The following YWHAQ variants were observed in gnomAD, a reference collection of about 807,000 sequenced individuals.
YWHAQ encodes tyrosine 3-monooxygenase/tryptophan 5-monooxygenase activation protein theta.
In YWHAQ, 6 loss-of-function variants were observed where a neutral mutation model predicts 28.3. That is an observed-to-expected ratio of 0.21 (90% confidence interval 0.12 to 0.42). The LOEUF (loss-of-function observed/expected upper bound fraction) is 0.42. YWHAQ is among the 10% of genes least tolerant of loss of function. The probability of loss-of-function intolerance (pLI) is 1.00; values close to 1 mark genes in which losing one functional copy is unlikely to be tolerated. For missense variants in YWHAQ, 201 were observed against 305.6 expected (o/e 0.66, Z 2.55); for synonymous variants, 143 against 119.1 (o/e 1.20, Z -1.31).
intron 2 of YWHAQ, among the ~76,000 whole-genome samples, chr2:9,594,420 A>T (rs1215000205): frequency 6.6e-6 from 1 of 152,170 alleles, no homozygotes; most frequent in Non-Finnish European, 1.5e-5. Flanking sequence ...GGAGGGTAGG[A>T]GGCAATAGTG....
intron 2 of YWHAQ, among the ~76,000 whole-genome samples, chr2:9,593,943 C>CACA (rs1420622388): frequency 6.9e-6 from 1 of 145,564 alleles, no homozygotes; most frequent in African/African-American, 2.6e-5. Context: ...CACACACACA[C>CACA]TTTTTTAAGG....
At chr2:9,611,433 T>A (rs1403443585) in intron 2 of YWHAQ, among the ~76,000 whole-genome samples, 1 of 152,224 alleles carries the variant, frequency 6.6e-6, no homozygotes, top group Non-Finnish European at 1.5e-5. Context: ...ACCAGTCGCA[T>A]GAGCTTGATC....
rs1290001896 is a variant in YWHAQ at position 9,630,555 on chromosome 2, G to C, written c.-82-21C>G. On this transcript the variant is annotated intron_variant, in intron 1 of 5. Coordinates refer to ENST00000238081, the MANE Select transcript of YWHAQ (RefSeq NM_006826.4). The surrounding 1 kb of genome is among the most constrained non-coding windows in gnomAD (Gnocchi z 5.6). Reference sequence around the variant, plus strand: ...GAGAGCTGCGGAGGGGCGGGGCGGCGAGGCGAGAACAAAAAGCAGAGAGGG... The same window carrying C: ...GAGAGCTGCGGAGGGGCGGGGCGGCCAGGCGAGAACAAAAAGCAGAGAGGG... 13 of 1,208,010 alleles carry C rather than the reference G, an allele frequency of 1.1e-5. No individual in the cohort carries two copies. The highest frequency in any genetic ancestry group is 1.2e-5 in the Non-Finnish European group (11 of 895,026). 74.8% of individuals were successfully genotyped at this position (1,208,010 alleles called of 1,614,324 possible).
intron 2 of YWHAQ, among the ~76,000 whole-genome samples, chr2:9,592,018 G>C (rs951264251): frequency 1.6e-4 from 24 of 152,166 alleles, no homozygotes; most frequent in Non-Finnish European, 2.1e-4. Flanking sequence ...CAGGGAAAGA[G>C]TATTTGAGGC....
chr2:9,623,394 A>G (rs1667182011), intron 2 of YWHAQ, among the ~76,000 whole-genome samples: 1 of 152,252 alleles, frequency 6.6e-6, no homozygotes, highest in African/African-American at 2.4e-5. Context: ...ACTTAAGTAA[A>G]TCCTAGCATA....
chr2:9,630,360 C>T lies in YWHAQ; in HGVS notation c.93G>A (p.Glu31=). 1 of 1,614,104 alleles carries T rather than the reference C, an allele frequency of 6.2e-7. No homozygotes were observed. Among genetic ancestry groups the T allele is most frequent in the Non-Finnish European group, 8.5e-7 (1 of 1,180,026 alleles). ...CCTCGTTGGACAGCTCGGCGCCCTG[C>T]TCGGTCACTGCCTTCATGCAGGTGG... is the stretch of plus-strand genomic sequence containing the variant. ...DMATCMKAVT[E]QGAELSNEER... The change falls in exon 2 of 6, where the codon GAG becomes GAA. Residue 31 remains glutamate (E), a synonymous_variant. Transcript: ENST00000238081. The surrounding 1 kb of genome is among the most constrained non-coding windows in gnomAD (Gnocchi z 5.6).
At chr2:9,609,315 T>C (rs1484011774) in intron 2 of YWHAQ, among the ~76,000 whole-genome samples, 5 of 151,902 alleles carry the variant, frequency 3.3e-5, no homozygotes, top group African/African-American at 7.3e-5. Context: ...TGAAAACAAC[T>C]TTAAAATTGG....
At chr2:9,624,566 A>G (rs938034974) in intron 2 of YWHAQ, among the ~76,000 whole-genome samples, 3 of 151,986 alleles carry the variant, frequency 2.0e-5, no homozygotes, top group African/African-American at 7.3e-5. Flanking sequence ...TGTGCACCGC[A>G]TGATGTTTAG....
rs1666308837 is a variant in YWHAQ, at chr2:9,584,708, T to C, written c.*578A>G. On this transcript the variant is annotated 3_prime_UTR_variant, in exon 6 of 6. Transcript: ENST00000238081. Reference sequence around the variant, plus strand: ...TAAGGAAACTCCCTGTTGCCACAGATACACAAGACCTCCGTATGTGATACA... The same window carrying C: ...TAAGGAAACTCCCTGTTGCCACAGACACACAAGACCTCCGTATGTGATACA... 1 of 152,614 alleles carries C rather than the reference T, an allele frequency of 6.6e-6. No homozygotes were observed. Among genetic ancestry groups the C allele is most frequent in the Non-Finnish European group, 1.5e-5 (1 of 68,078 alleles). 9.5% of individuals were successfully genotyped at this position (152,614 alleles called of 1,614,324 possible).
chr2:9,600,647 G>A (rs887720023), intron 2 of YWHAQ, among the ~76,000 whole-genome samples: 5 of 152,084 alleles, frequency 3.3e-5, no homozygotes, highest in African/African-American at 7.2e-5. Flanking sequence ...AGAGGTTGTG[G>A]TGAGCCGAGG....
In YWHAQ at chr2:9,629,653, G is replaced by T. The variant is rs371561544; in HGVS notation, c.294+506C>A. ...CTCCTCTCCTGTTTATGGGGGGTGG[G>T]GGGGAGCACAACAGATACTCTTACT... On this transcript the variant is annotated intron_variant, in intron 2 of 5. Coordinates refer to ENST00000238081, the MANE Select transcript of YWHAQ (RefSeq NM_006826.4). Among the ~76,000 whole-genome samples the T allele has an allele frequency of 8.4e-4, 128 of 152,258 alleles. 5 individuals carry two copies. In the South Asian group the frequency reaches 0.026, roughly 31 times the overall value.
intron 2 of YWHAQ, among the ~76,000 whole-genome samples, chr2:9,611,061 G>C (rs1389695619): frequency 1.3e-5 from 2 of 152,152 alleles, no homozygotes; most frequent in Non-Finnish European, 2.9e-5. Flanking sequence ...AGTATACTTT[G>C]AGAACATATA....
chr2:9,622,200 C>A (rs942278346), intron 2 of YWHAQ, among the ~76,000 whole-genome samples: 1 of 150,718 alleles, frequency 6.6e-6, no homozygotes, highest in African/African-American at 2.4e-5. Flanking sequence ...AAAAAAAATA[C>A]AATTATCCCA....
intron 2 of YWHAQ, among the ~76,000 whole-genome samples, chr2:9,621,349 T>G (rs561491955): frequency 5.3e-5 from 8 of 152,152 alleles, no homozygotes; most frequent in Non-Finnish European, 1.0e-4. Flanking sequence ...GTTCTATACA[T>G]TCTCGTATCT....
At chr2:9,592,674 G>A (rs1409943052) in intron 2 of YWHAQ, among the ~76,000 whole-genome samples, 2 of 152,208 alleles carry the variant, frequency 1.3e-5, no homozygotes, top group African/African-American at 2.4e-5. Context: ...GCAGTGAGCC[G>A]AGATCATGCT....
At chr2:9,593,905 A>AAAAATAT (rs1205661739) in intron 2 of YWHAQ, among the ~76,000 whole-genome samples, 23 of 127,636 alleles carry the variant, frequency 1.8e-4, no homozygotes, top group Non-Finnish European at 2.0e-4. Flanking sequence ...GATTAAAAAA[A>AAAAATAT]ATATATATAT....
chr2:9,618,492 C>T (rs6432025), intron 2 of YWHAQ, among the ~76,000 whole-genome samples: 63,756 of 151,906 alleles, frequency 0.42, 17,060 homozygotes, highest in African/African-American at 0.76. Context: ...TGCCTATACT[C>T]TTTAGAGTTG....
chr2:9,588,926 C>T (rs1163893571), intron 3 of YWHAQ, among the ~76,000 whole-genome samples: 1 of 151,992 alleles, frequency 6.6e-6, no homozygotes, highest in Non-Finnish European at 1.5e-5. Flanking sequence ...CTGGGCAACA[C>T]AGGGAGATCT....
rs1021090213 is a variant in YWHAQ at position 9,630,097 on chromosome 2, G to GA, written c.294+61dup. Reference sequence around the variant, plus strand: ...GGCTCACGTTTGTTTCCGTGCCCGCGAAACTCTCAATGAAAAGCATCTCAC... The same window carrying GA: ...GGCTCACGTTTGTTTCCGTGCCCGCGAAAACTCTCAATGAAAAGCATCTCAC... On this transcript the variant is annotated intron_variant, in intron 2 of 5. Transcript: ENST00000238081. The surrounding 1 kb of genome is among the most constrained non-coding windows in gnomAD (Gnocchi z 5.6). 6.4e-6 allele frequency: 10 copies of GA among 1,557,298 alleles called. No individual in the cohort carries two copies. Among genetic ancestry groups the GA allele is most frequent in the African/African-American group, 4.1e-5 (3 of 73,790 alleles).
Sources: gnomAD v4.1 joint callset for allele counts (sites outside exome capture counted in the v4.1 genomes callset) on GRCh38, gnomAD v4.1.1 for gene constraint, Gnocchi (gnomAD v3.1) non-coding constraint, MANE v1.5 for transcripts, NCBI Gene and HGNC (gene_info 2026-07-23, HGNC 2026-07-21) for gene names.